Variants in ERO1B observed in about 807,000 individuals in gnomAD.
The protein encoded by ERO1B is endoplasmic reticulum oxidoreductase 1 beta.
ERO1B carries 49 observed loss-of-function variants against 75.3 expected under a neutral mutation model. The observed-to-expected ratio is 0.65, with a 90% CI of 0.52 to 0.83. The LOEUF is 0.83. Ranked by LOEUF, ERO1B falls within the 40% of genes least tolerant of loss-of-function variation. The pLI is 0.00. For synonymous variants in ERO1B, 191 were observed against 192.9 expected (o/e 0.99, Z 0.08); for missense variants, 512 against 560.1 (o/e 0.91, Z 0.87).
chr1:236,263,949 C>T lies in ERO1B; in HGVS notation c.222+5926G>A, dbSNP rs554344956. On this transcript the variant is annotated intron_variant, in intron 2 of 15. Transcript: ENST00000354619. ...TCATTGCTAATGTAAATGGTGGTTT[C>T]CTTTCTGTTATAACTTCTAAATGGT... Among the ~76,000 whole-genome samples, 51 of 150,410 alleles carry T rather than the reference C, an allele frequency of 3.4e-4. 1 individual carries two copies. The highest frequency in any genetic ancestry group is 7.9e-4 in the Admixed American group (12 of 15,122).
At chr1:236,236,888 A>C (rs928751075) in intron 6 of ERO1B, among the ~76,000 whole-genome samples, 1 of 152,132 alleles carries the variant, frequency 6.6e-6, no homozygotes, top group Non-Finnish European at 1.5e-5. Flanking sequence ...CGGCTCCATA[A>C]CTTTGTGATC....
intron 5 of ERO1B, among the ~76,000 whole-genome samples, chr1:236,246,891 A>G (rs577300574): frequency 6.6e-5 from 10 of 152,292 alleles, no homozygotes; most frequent in East Asian, 1.9e-4. Flanking sequence ...AAATTTTTTA[A>G]GTTTAAAGAA....
At chr1:236,251,616 T>C (rs1665031943) in intron 4 of ERO1B, among the ~76,000 whole-genome samples, 1 of 152,134 alleles carries the variant, frequency 6.6e-6, no homozygotes, top group Non-Finnish European at 1.5e-5. Context: ...CAAAATATAA[T>C]ACTCTCATAA....
intron 13 of ERO1B, among the ~76,000 whole-genome samples, chr1:236,224,439 G>C (rs1664229167): frequency 6.8e-6 from 1 of 146,218 alleles, no homozygotes; most frequent in Admixed American, 7.0e-5. Flanking sequence ...AACATAGCGA[G>C]ACCCCATCTC....
At chr1:236,264,965 T>C (rs1329987467) in intron 2 of ERO1B, among the ~76,000 whole-genome samples, 1 of 152,092 alleles carries the variant, frequency 6.6e-6, no homozygotes, top group Non-Finnish European at 1.5e-5. Context: ...AATATATCCA[T>C]GTAACAAAAC....
intron 12 of ERO1B, 50 bp from the exon 13 acceptor site, chr1:236,225,189 C>T: frequency 1.3e-6 from 2 of 1,543,104 alleles, no homozygotes; most frequent in Middle Eastern, 1.7e-4. Context: ...AATCCACGTA[C>T]TCTGTATCAG....
At chr1:236,268,439 A>G (rs1665504513) in intron 2 of ERO1B, among the ~76,000 whole-genome samples, 1 of 148,194 alleles carries the variant, frequency 6.7e-6, no homozygotes, top group South Asian at 2.1e-4. Context: ...GACCCTGTCT[A>G]AAAAAAAACA....
chr1:236,244,750 C>G (rs1298443038), intron 5 of ERO1B, among the ~76,000 whole-genome samples: 1 of 152,124 alleles, frequency 6.6e-6, no homozygotes, highest in Admixed American at 6.6e-5. Context: ...GCATCTAATG[C>G]TAATAAAGCT....
chr1:236,247,852 A>G (rs957309919), intron 5 of ERO1B, among the ~76,000 whole-genome samples: 2 of 152,098 alleles, frequency 1.3e-5, no homozygotes, highest in African/African-American at 4.8e-5. Flanking sequence ...TATACCTGGA[A>G]TGCTCATCCC....
At chr1:236,246,046 T>A (rs1004352847) in intron 5 of ERO1B, among the ~76,000 whole-genome samples, 3 of 152,218 alleles carry the variant, frequency 2.0e-5, no homozygotes, top group Non-Finnish European at 4.4e-5. Flanking sequence ...GTAGAACAGA[T>A]AACTGATACA....
At chr1:236,218,646 T>C in intron 15 of ERO1B, 70 bp from the exon 16 acceptor site, 1 of 1,182,588 alleles carries the variant, frequency 8.5e-7, no homozygotes, top group Non-Finnish European at 1.1e-6. Flanking sequence ...ATTGATATTG[T>C]TACATAAGCT....
chr1:236,224,857 T>C (rs1397890684), intron 13 of ERO1B, among the ~76,000 whole-genome samples: 1 of 152,214 alleles, frequency 6.6e-6, no homozygotes, highest in Non-Finnish European at 1.5e-5. Flanking sequence ...AAAGGTGTTA[T>C]AGGACATACT....
chr1:236,281,606 G>A (rs1049248553), intron 1 of ERO1B, 76 bp downstream of exon 1: 3 of 727,618 alleles, frequency 4.1e-6, no homozygotes, highest in East Asian at 4.6e-5. Flanking sequence ...CCCTCCCCGC[G>A]TCACAGCCGC....
chr1:236,222,808 AATG>A (rs1244756753), intron 13 of ERO1B, among the ~76,000 whole-genome samples: 2 of 152,220 alleles, frequency 1.3e-5, no homozygotes, highest in Non-Finnish European at 2.9e-5. Context: ...AATCAATATG[AATG>A]ATAACAGGCC....
chr1:236,239,835 G>GTATATATTTA (rs764354290), intron 6 of ERO1B, among the ~76,000 whole-genome samples: 1 of 42,358 alleles, frequency 2.4e-5, no homozygotes, highest in Non-Finnish European at 8.3e-5. Flanking sequence ...GTATATATAT[G>GTATATATTTA]TGTATATATA....
At chr1:236,237,630 C>T (rs1664577198) in intron 6 of ERO1B, among the ~76,000 whole-genome samples, 1 of 152,058 alleles carries the variant, frequency 6.6e-6, no homozygotes, top group South Asian at 2.1e-4. Flanking sequence ...ATGCTTACTA[C>T]CGTTTGTTGT....
chr1:236,218,324 T>C lies in ERO1B; in HGVS notation c.*192A>G, dbSNP rs1048770005. The C allele has an allele frequency of 5.9e-6, 2 of 337,812 alleles. No individual in the cohort carries two copies. Among genetic ancestry groups the C allele is most frequent in the Admixed American group, 5.5e-5 (1 of 18,264 alleles). The allele number at this position is 337,812 out of a possible 1,614,324, so 20.9% of individuals were successfully genotyped here. ...ATAACTTACATGTTTTAAAAGTATATACTTCATTTATAAATATCTCTAGTT... is the reference window on the plus strand; with the variant it reads ...ATAACTTACATGTTTTAAAAGTATACACTTCATTTATAAATATCTCTAGTT... On this transcript the variant is annotated 3_prime_UTR_variant, in exon 16 of 16. Coordinates refer to ENST00000354619, the MANE Select transcript of ERO1B (RefSeq NM_019891.4).
chr1:236,268,715 T>C (rs1331226132), intron 2 of ERO1B, among the ~76,000 whole-genome samples: 2 of 151,056 alleles, frequency 1.3e-5, no homozygotes, highest in Non-Finnish European at 2.9e-5. Context: ...TGAAACCCCG[T>C]CTCTACTAAA....
intron 9 of ERO1B, 78 bp downstream of exon 9, chr1:236,232,750 A>G (rs1664439431): frequency 7.2e-7 from 1 of 1,379,846 alleles, no homozygotes. Context: ...TTTGAATTCC[A>G]TAAAGGAAAA....
Sources: allele counts gnomAD v4.1 joint callset (sites outside exome capture counted in the v4.1 genomes callset), GRCh38; gene constraint gnomAD v4.1.1; transcripts MANE v1.5; gene names NCBI Gene and HGNC (gene_info 2026-07-23, HGNC 2026-07-21).